F5: variants seen among roughly 807,000 people sequenced by gnomAD.
F5 encodes activated protein c cofactor.
A neutral mutation model predicts 216.4 loss-of-function variants in F5; 138 were observed. That is an observed-to-expected ratio of 0.64 (90% CI 0.56 to 0.73). The LOEUF (loss-of-function observed/expected upper bound fraction) is 0.73, where lower values mean the gene tolerates loss of function less well. F5 is among the 30% of genes least tolerant of loss of function. F5 has a pLI of 0.00. For missense variants in F5, 2,403 were observed against 2,674.0 expected (o/e 0.90, Z 2.24); for synonymous variants, 916 against 930.7 (o/e 0.98, Z 0.29).
intron 23 of F5, among the ~76,000 whole-genome samples, chr1:169,517,671 G>A (rs1174132542): frequency 6.6e-6 from 1 of 152,032 alleles, no homozygotes; most frequent in African/African-American, 2.4e-5. Context: ...TTACTCAGTG[G>A]GCTAATATCA....
chr1:169,541,903 T>C lies in F5; in HGVS notation c.3187A>G (p.Arg1063Gly), dbSNP rs757749901. 1.2e-6 allele frequency: 2 copies of C among 1,614,184 alleles called. No individual in the cohort carries two copies. Among genetic ancestry groups the C allele is most frequent in the Admixed American group, 3.3e-5 (2 of 60,022 alleles). Residue 1063 changes from arginine to glycine, a missense_variant, in exon 13 of 25, where the codon AGA becomes GGA. Arg to Gly is a moderately radical substitution (Grantham distance 125). Transcript: ENST00000367797. Reference protein sequence around the residue: ...SEAYNTFSERRLKHSLVLHKS... With the variant: ...SEAYNTFSERGLKHSLVLHKS... ...TGAAGCACCAACGAATGCTTAAGTC[T>C]TCTTTCTGAAAATGTGTTGTAGGCT... is the stretch of plus-strand genomic sequence containing the variant.
At chr1:169,535,096 T>C (rs1334416062) in intron 14 of F5, among the ~76,000 whole-genome samples, 2 of 152,172 alleles carry the variant, frequency 1.3e-5, no homozygotes, top group Admixed American at 6.5e-5. Context: ...ACTTGGATGA[T>C]GGGATCAATC....
Position 169,544,297 on chromosome 1 carries a change from A to C in F5, c.1974T>G (p.Val658=), listed in dbSNP as rs774978570. The part of the protein sequence containing the change: ...GESVTVTMDN[V]GTWMLTSMNS... The stretch of plus-strand genomic sequence containing the variant: ...GTGAGTGTCCAGACTCTTACTCACC[A>C]ACATTATCCATTGTGACCGTCACAG... The change falls in exon 12 of 25, where the codon GTT becomes GTG. Residue 658 remains valine, a splice_region_variant and synonymous_variant. Transcript: ENST00000367797. The C allele has an allele frequency of 1.9e-6, 3 of 1,613,714 alleles. No individual in the cohort carries two copies. The South Asian group carries it at 3.3e-5, about 18-fold the overall frequency.
chr1:169,582,370 G>T, intron 2 of F5, 61 bp downstream of exon 2: 1 of 925,064 alleles, frequency 1.1e-6, no homozygotes, highest in South Asian at 1.6e-5. Context: ...AGATGCATGT[G>T]AATGCCAAAT....
chr1:169,553,075 T>A (rs2101827531), intron 7 of F5, among the ~76,000 whole-genome samples: 1 of 152,346 alleles, frequency 6.6e-6, no homozygotes, highest in East Asian at 1.9e-4. Context: ...CTAAAGTCTG[T>A]CCTATCACTT....
In F5 at chr1:169,515,530, T is replaced by G; in HGVS notation, c.6442A>C (p.Met2148Leu). ...TGGATGGTATAGCTCTTTACATACA[T>G]TTCAGAGGACAGAGACTTGCAGCCC... Reference protein sequence around the residue: ...TQGCKSLSSEMYVKSYTIHYS... With the variant: ...TQGCKSLSSELYVKSYTIHYS... Residue 2148 changes from methionine (M) to leucine (L), a missense_variant, in exon 24 of 25, where the codon ATG becomes CTG. Met to Leu is a conservative substitution (Grantham distance 15). Coordinates refer to ENST00000367797, the MANE Select transcript of F5 (RefSeq NM_000130.5). 1 of 1,613,662 alleles carries G rather than the reference T, an allele frequency of 6.2e-7. No homozygotes were observed.
chr1:169,524,880 A>T lies in F5; in HGVS notation c.5745T>A (p.Thr1915=). Residue 1915 remains threonine (T), a synonymous_variant, in exon 19 of 25, where the codon ACT becomes ACA. Coordinates refer to ENST00000367797, the MANE Select transcript of F5 (RefSeq NM_000130.5). ...RDCRMPMGLS[T]GIISDSQIKA... ...TGATCTGTGAATCAGATATGATACC[A>T]GTGCTTAGTCCCATTGGCATCCTAC... 1 of 1,613,824 alleles carries T rather than the reference A, an allele frequency of 6.2e-7. No individual in the cohort carries two copies. The highest frequency in any genetic ancestry group is 8.5e-7 in the Non-Finnish European group (1 of 1,179,768).
Position 169,555,179 on chromosome 1 carries a change from C to T in F5, c.1118+3G>A. 1 of 1,614,060 alleles carries T rather than the reference C, an allele frequency of 6.2e-7. No individual in the cohort carries two copies. On this transcript the variant is annotated splice_donor_region_variant and intron_variant, in intron 7 of 24. Coordinates refer to ENST00000367797, the MANE Select transcript of F5 (RefSeq NM_000130.5). ...CCCAGTGGTATGAACCCCAACAACT[C>T]ACTTGTCCATATTCGCTGGTATTAC...
At chr1:169,533,071 C>T (rs1402549446) in intron 14 of F5, among the ~76,000 whole-genome samples, 3 of 152,018 alleles carry the variant, frequency 2.0e-5, no homozygotes, top group Admixed American at 6.6e-5. Flanking sequence ...AGAAATAAAG[C>T]CACACACTTA....
At chr1:169,553,434 C>T (rs1273662400) in intron 7 of F5, among the ~76,000 whole-genome samples, 2 of 152,176 alleles carry the variant, frequency 1.3e-5, no homozygotes, top group Non-Finnish European at 2.9e-5. Context: ...TGAGGCCGGG[C>T]GCGGTGGCTC....
Position 169,542,120 on chromosome 1 carries a change from G to C in F5, c.2970C>G (p.Asn990Lys). The change falls in exon 13 of 25, where the codon AAC (asparagine) becomes AAG (lysine). Residue 990 changes from asparagine (N) to lysine (K), a missense_variant. Asn to Lys is a moderately conservative substitution (Grantham distance 94, BLOSUM62 0). Around this residue, in one of 4 missense-constraint regions of F5, gnomAD observed 1,425 missense variants for 1,554.8 expected, o/e 0.92. Coordinates refer to ENST00000367797, the MANE Select transcript of F5 (RefSeq NM_000130.5). ...GGTGGCCACTCTGCTTTCCAGGCTT[G>C]TTGGCAAGAGGGGTGCTTTCTCCCC... ...RAWGESTPLA[N>K]KPGKQSGHPK... 4.3e-6 allele frequency: 7 copies of C among 1,614,030 alleles called. No individual in the cohort carries two copies. The highest frequency in any genetic ancestry group is 5.9e-6 in the Non-Finnish European group (7 of 1,180,002).
chr1:169,530,687 G>A, intron 15 of F5, 99 bp downstream of exon 15: 1 of 1,107,264 alleles, frequency 9.0e-7, no homozygotes, highest in Admixed American at 1.7e-5. Context: ...TGAAAAGCAA[G>A]ACAGACATTT....
In F5 at chr1:169,540,527, A is replaced by G. The variant is rs113997556; in HGVS notation, c.4563T>C (p.Asp1521=). 769 of 1,613,900 alleles carry G rather than the reference A, an allele frequency of 4.8e-4. 2 individuals carry two copies. In the African/African-American group the frequency reaches 8.7e-3, roughly 18 times the overall value. The change falls in exon 13 of 25, where the codon GAT becomes GAC. Residue 1521 remains aspartate (D), a synonymous_variant. Coordinates refer to ENST00000367797, the MANE Select transcript of F5 (RefSeq NM_000130.5). ...VIVGLSKDGT[D]YIEIIPKEEV... The stretch of plus-strand genomic sequence containing the variant: ...CTTCCTTTGGAATGATCTCAATGTA[A>G]TCTGTACCATCTTTACTGAGGCCCA...
intron 5 of F5, among the ~76,000 whole-genome samples, chr1:169,558,701 A>G (rs1408364793): frequency 1.3e-5 from 2 of 152,168 alleles, no homozygotes; most frequent in Non-Finnish European, 2.9e-5. Context: ...AATATTCTAG[A>G]TGCCACTGAA....
At chr1:169,584,750 G>T (rs1201536346) in intron 1 of F5, among the ~76,000 whole-genome samples, 1 of 152,214 alleles carries the variant, frequency 6.6e-6, no homozygotes, top group Non-Finnish European at 1.5e-5. Flanking sequence ...AGAGAGAAAT[G>T]ATATGATTTA....
Position 169,529,892 on chromosome 1 carries a change from T to C in F5, c.5209-74A>G, listed in dbSNP as rs899228450. On this transcript the variant is annotated intron_variant, in intron 15 of 24. Coordinates refer to ENST00000367797, the MANE Select transcript of F5 (RefSeq NM_000130.5). ...GCTCTTCTGATAATCACTCATCATA[T>C]AGAAAAGGAAACTTTCTGATAGGCT... 9.4e-6 allele frequency: 12 copies of C among 1,282,278 alleles called. No individual in the cohort carries two copies. In the Admixed American group the frequency reaches 1.5e-4, roughly 16 times the overall value. 79.4% of individuals were successfully genotyped at this position (1,282,278 alleles called of 1,614,324 possible).
chr1:169,532,278 G>A (rs1165819565), intron 14 of F5, among the ~76,000 whole-genome samples: 5 of 152,118 alleles, frequency 3.3e-5, no homozygotes, highest in Non-Finnish European at 7.4e-5. Context: ...TTCCCCGTGA[G>A]AACTGGAACA....
In F5 at chr1:169,512,276, C is replaced by T. The variant is rs550454517; in HGVS notation, c.*2037G>A. Among the ~76,000 whole-genome samples, 346 of 152,048 alleles carry T rather than the reference C, an allele frequency of 2.3e-3. 2 individuals carry two copies. The highest frequency in any genetic ancestry group is 8.0e-3 in the African/African-American group (332 of 41,516). On this transcript the variant is annotated 3_prime_UTR_variant, in exon 25 of 25. Transcript: ENST00000367797. ...CTTATTTTTCTCAAGTAGAGAATAA[C>T]GAAGCTGGATCTCATGCTCCATTCC...
chr1:169,530,550 T>A (rs1410699462), intron 15 of F5, among the ~76,000 whole-genome samples: 1 of 152,196 alleles, frequency 6.6e-6, no homozygotes, highest in African/African-American at 2.4e-5. Context: ...TCATGGCCAA[T>A]CATTCAAGTA....
Sources: allele counts gnomAD v4.1 joint callset (sites outside exome capture counted in the v4.1 genomes callset), GRCh38; gene constraint gnomAD v4.1.1; regional missense constraint gnomAD v4.1.1; transcripts MANE v1.5; gene names NCBI Gene and HGNC (gene_info 2026-07-23, HGNC 2026-07-21).